AP3S2: variants seen among roughly 807,000 people sequenced by gnomAD.
AP3S2 encodes the protein adaptor related protein complex 3 subunit sigma 2.
Under a neutral mutation model 23.4 loss-of-function variants are expected in AP3S2, and 22 were observed. The observed-to-expected ratio is 0.94, with a 90% confidence interval of 0.67 to 1.34. The LOEUF is 1.34. Among genes scored for constraint, AP3S2 ranks in the 40% most tolerant of loss-of-function variants. The pLI is 0.00. For synonymous variants in AP3S2, 86 were observed against 87.1 expected, an observed-to-expected ratio of 0.99 and a Z score of 0.07; for missense variants, 241 against 236.9, an observed-to-expected ratio of 1.02 and a Z score of -0.11.
intron 1 of AP3S2, chr15:89,893,464 T>G (rs1269987942): frequency 5.4e-6 from 2 of 371,550 alleles, no homozygotes; most frequent in Non-Finnish European, 9.5e-6. Flanking sequence ...AAAAGAACTT[T>G]TCCAGTTCTG....
intron 3 of AP3S2, chr15:89,878,261 A>G (rs1354968873): frequency 3.0e-6 from 2 of 656,254 alleles, no homozygotes; most frequent in Non-Finnish European, 5.4e-6. Context: ...GAATATTTTC[A>G]TACCTTGGGA....
intron 4 of AP3S2, among the ~76,000 whole-genome samples, chr15:89,871,028 A>G (rs955426915): frequency 2.6e-5 from 4 of 152,200 alleles, no homozygotes; most frequent in African/African-American, 4.8e-5. Flanking sequence ...TACATTACAG[A>G]TCTCTTAGTC....
At chr15:89,844,400 T>C (rs143250916) in intron 4 of AP3S2, among the ~76,000 whole-genome samples, 1,636 of 151,642 alleles carry the variant, frequency 0.011, 26 homozygotes, top group African/African-American at 0.037. Flanking sequence ...TGCAGTGCCA[T>C]GATAATAGCT....
chr15:89,850,119 G>A (rs894634667), intron 4 of AP3S2, among the ~76,000 whole-genome samples: 3 of 152,200 alleles, frequency 2.0e-5, no homozygotes, highest in Non-Finnish European at 2.9e-5. Context: ...CAGCTCTGAA[G>A]AAAGCAAGCC....
At chr15:89,871,996 C>T (rs1343648674) in intron 3 of AP3S2, among the ~76,000 whole-genome samples, 2 of 151,864 alleles carry the variant, frequency 1.3e-5, no homozygotes, top group Non-Finnish European at 2.9e-5. Context: ...GTTATAGTCC[C>T]AGCTACTTGG....
intron 5 of AP3S2, among the ~76,000 whole-genome samples, chr15:89,836,089 A>G (rs1895185521): frequency 6.6e-6 from 1 of 152,200 alleles, no homozygotes; most frequent in African/African-American, 2.4e-5. Flanking sequence ...AACTGAGCAC[A>G]CACAACTGAA....
intron 4 of AP3S2, among the ~76,000 whole-genome samples, chr15:89,855,669 A>G (rs1274965018): frequency 7.7e-6 from 1 of 130,458 alleles, no homozygotes; most frequent in African/African-American, 2.8e-5. Flanking sequence ...ACCAACACGG[A>G]GAAACCCCGT....
At chr15:89,858,261 A>G (rs953052920) in intron 4 of AP3S2, among the ~76,000 whole-genome samples, 2 of 151,412 alleles carry the variant, frequency 1.3e-5, no homozygotes, top group African/African-American at 4.9e-5. Context: ...AACATAGAGA[A>G]ACTCCGTCTC....
intron 1 of AP3S2, among the ~76,000 whole-genome samples, chr15:89,889,731 G>A (rs1193083331): frequency 6.6e-6 from 1 of 151,954 alleles, no homozygotes; most frequent in African/African-American, 2.4e-5. Context: ...GGGCGTGGTG[G>A]CGCATGCCTG....
chr15:89,849,323 G>A (rs946031645), intron 4 of AP3S2, among the ~76,000 whole-genome samples: 3 of 152,102 alleles, frequency 2.0e-5, no homozygotes, highest in African/African-American at 7.2e-5. Flanking sequence ...TTTTTTTGGG[G>A]GGAGTGCTTT....
chr15:89,888,490 G>A, intron 3 of AP3S2, 31 bp downstream of exon 3: 1 of 1,606,984 alleles, frequency 6.2e-7, no homozygotes, highest in Non-Finnish European at 8.5e-7. Flanking sequence ...ACTCTCTAAA[G>A]CTGCTGCCAT....
chr15:89,891,476 C>G (rs1314710699), intron 1 of AP3S2, among the ~76,000 whole-genome samples: 5 of 151,994 alleles, frequency 3.3e-5, no homozygotes, highest in Admixed American at 3.3e-4. Context: ...CTGGCCAACA[C>G]AGCGAAACCC....
At chr15:89,861,173 C>A (rs530432323) in intron 4 of AP3S2, among the ~76,000 whole-genome samples, 1 of 152,284 alleles carries the variant, frequency 6.6e-6, no homozygotes, top group Non-Finnish European at 1.5e-5. Flanking sequence ...GAACTCTCAG[C>A]ATTTTTCCAT....
intron 4 of AP3S2, among the ~76,000 whole-genome samples, chr15:89,856,986 C>G (rs925126171): frequency 6.6e-6 from 1 of 152,012 alleles, no homozygotes; most frequent in African/African-American, 2.4e-5. Flanking sequence ...TTTGGATAAC[C>G]AACAAAGTAT....
intron 5 of AP3S2, 67 bp downstream of exon 5, chr15:89,837,548 T>TAC: frequency 6.3e-7 from 1 of 1,587,444 alleles, no homozygotes; most frequent in Non-Finnish European, 8.6e-7. Context: ...CCAACACATG[T>TAC]ACACACTCCT....
chr15:89,861,763 T>C (rs1402470324), intron 4 of AP3S2, among the ~76,000 whole-genome samples: 1 of 151,676 alleles, frequency 6.6e-6, no homozygotes, highest in African/African-American at 2.4e-5. Context: ...AATACAAAGA[T>C]AAGGCAGTCT....
intron 4 of AP3S2, among the ~76,000 whole-genome samples, chr15:89,839,996 T>C (rs140729874): frequency 1.3e-5 from 2 of 152,106 alleles, no homozygotes; most frequent in African/African-American, 4.8e-5. Context: ...TCCTGTGAGG[T>C]ACCCAGAGTA....
At chr15:89,865,939 C>G (rs1896106878) in intron 4 of AP3S2, among the ~76,000 whole-genome samples, 2 of 152,058 alleles carry the variant, frequency 1.3e-5, no homozygotes, top group Admixed American at 6.6e-5. Flanking sequence ...AGGTAAAACA[C>G]AAAACAACAA....
At chr15:89,846,481 C>T (rs1895492649) in intron 4 of AP3S2, among the ~76,000 whole-genome samples, 1 of 152,156 alleles carries the variant, frequency 6.6e-6, no homozygotes, top group African/African-American at 2.4e-5. Flanking sequence ...CCTTAACCTC[C>T]CCAGTAGCTG....
Sources: gnomAD v4.1 joint callset for allele counts (sites outside exome capture counted in the v4.1 genomes callset) on GRCh38, gnomAD v4.1.1 for gene constraint, MANE v1.5 for transcripts, NCBI Gene and HGNC (gene_info 2026-07-23, HGNC 2026-07-21) for gene names.